The following PTDSS2 variants were observed in gnomAD, a reference collection of about 807,000 sequenced individuals.
PTDSS2 encodes phosphatidylserine synthase 2, also known as PSS-2.
In PTDSS2, 41 loss-of-function variants were observed where a neutral mutation model predicts 64.7. The ratio of observed to expected loss-of-function variants is 0.63; its 90% confidence interval spans 0.49 to 0.82. The LOEUF (loss-of-function observed/expected upper bound fraction) is 0.82. Among genes scored for constraint, PTDSS2 ranks in the 40% least tolerant of loss-of-function variants. PTDSS2 has a pLI of 0.00. For missense variants in PTDSS2, 485 were observed against 650.0 expected, an observed-to-expected ratio of 0.75 and a Z score of 2.76; for synonymous variants, 297 against 277.8, an observed-to-expected ratio of 1.07 and a Z score of -0.69.
intron 1 of PTDSS2, chr11:451,440 T>C (rs1481116351): frequency 2.3e-6 from 1 of 442,228 alleles, no homozygotes; most frequent in Non-Finnish European, 4.6e-6. Context: ...GATCAAGCCG[T>C]CGACCTGAAA....
At chr11:457,202 TC>T (rs1451912363) in intron 1 of PTDSS2, among the ~76,000 whole-genome samples, 5 of 152,226 alleles carry the variant, frequency 3.3e-5, no homozygotes. Context: ...CTTCATGAAA[TC>T]GGCTAAGTCC....
At chr11:452,692 G>C (rs893908755) in intron 1 of PTDSS2, among the ~76,000 whole-genome samples, 9 of 152,038 alleles carry the variant, frequency 5.9e-5, no homozygotes, top group Non-Finnish European at 5.9e-5. Context: ...GGTTCTTGCT[G>C]TGCCTCCTCC....
chr11:478,965 G>T, intron 3 of PTDSS2, 120 bp from the exon 4 acceptor site: 1 of 726,502 alleles, frequency 1.4e-6, no homozygotes, highest in South Asian at 1.7e-5. Context: ...CTCTCCCAGG[G>T]GCCTGTGAAG....
chr11:490,786 ATGCGTGTGTG>A lies in PTDSS2; in HGVS notation c.*206_*215del. 1 of 596,084 alleles carries A rather than the reference ATGCGTGTGTG, an allele frequency of 1.7e-6. No homozygotes were observed. 36.9% of individuals were successfully genotyped at this position (596,084 alleles called of 1,614,324 possible). A position where few individuals can be genotyped will look rare whatever the true frequency, so the allele number is the denominator to read the frequency against. ...CATGTGTACACGTGTGTACGTGTGT[ATGCGTGTGTG>A]TACGCGTGTGTACGCGCGTGTGTAC... On this transcript the variant is annotated 3_prime_UTR_variant, in exon 12 of 12. Coordinates refer to ENST00000308020, the MANE Select transcript of PTDSS2 (RefSeq NM_030783.3).
chr11:479,503 G>A lies in PTDSS2; in HGVS notation c.435+351G>A. 2.9e-6 allele frequency: 1 copy of A among 350,204 alleles called. No individual in the cohort carries two copies. The highest frequency in any genetic ancestry group is 5.3e-6 in the Non-Finnish European group (1 of 188,298). 21.7% of individuals were successfully genotyped at this position (350,204 alleles called of 1,614,324 possible). A position where few individuals can be genotyped will look rare whatever the true frequency, so the allele number is the denominator to read the frequency against. On this transcript the variant is annotated intron_variant, in intron 4 of 11. Transcript: ENST00000308020. This position sits in a 1 kb window ranked among gnomAD's most constrained non-coding sequence, Gnocchi z 4.2. ...GGCAGGGCCAGTGGTGCAGCTGCCAGGGTGGCTTTGCCCACAGCTGTCGTA... is the reference window on the plus strand; with the variant it reads ...GGCAGGGCCAGTGGTGCAGCTGCCAAGGTGGCTTTGCCCACAGCTGTCGTA...
chr11:479,518 C>T lies in PTDSS2; in HGVS notation c.435+366C>T. On this transcript the variant is annotated intron_variant, in intron 4 of 11. Coordinates refer to ENST00000308020, the MANE Select transcript of PTDSS2 (RefSeq NM_030783.3). This position sits in a 1 kb window ranked among gnomAD's most constrained non-coding sequence, Gnocchi z 4.2. The stretch of plus-strand genomic sequence containing the variant: ...GCAGCTGCCAGGGTGGCTTTGCCCA[C>T]AGCTGTCGTATCTGAGTGCTGGTGG... The T allele has an allele frequency of 3.1e-6, 1 of 323,860 alleles. No individual in the cohort carries two copies. The highest frequency in any genetic ancestry group is 5.8e-6 in the Non-Finnish European group (1 of 172,170). 20.1% of individuals were successfully genotyped at this position (323,860 alleles called of 1,614,324 possible).
At chr11:482,882 G>A (rs1848134725) in intron 4 of PTDSS2, among the ~76,000 whole-genome samples, 1 of 137,266 alleles carries the variant, frequency 7.3e-6, no homozygotes, top group Non-Finnish European at 1.5e-5. Flanking sequence ...TCTCCCTACC[G>A]AGTGCAGAAA....
chr11:449,090 CG>C (rs368006081), upstream of PTDSS2, among the ~76,000 whole-genome samples: 79 of 114,192 alleles, frequency 6.9e-4, 1 homozygote, highest in African/African-American at 2.6e-3. Context: ...TTTTTTGAGA[CG>C]GAGTCTCGCT....
At chr11:478,183 T>G (rs1847899889) in intron 3 of PTDSS2, among the ~76,000 whole-genome samples, 1 of 151,822 alleles carries the variant, frequency 6.6e-6, no homozygotes, top group African/African-American at 2.4e-5. Context: ...AAACAAAAAT[T>G]CACATTCATC....
At chr11:468,882 AAGGAGGGGAGTCTCTGGGTAATCGGAGGG>A (rs1340842161) in intron 2 of PTDSS2, among the ~76,000 whole-genome samples, 5 of 116,382 alleles carry the variant, frequency 4.3e-5, no homozygotes, top group African/African-American at 6.9e-5. Context: ...ATAATTGGAG[AAGGAGGGGAGTCTCTGGGTAATCGGAGGG>A]AGGAGGGGAG....
At chr11:490,089 T>G in intron 11 of PTDSS2, 21 bp downstream of exon 11, 1 of 1,589,250 alleles carries the variant, frequency 6.3e-7, no homozygotes, top group African/African-American at 1.3e-5. Context: ...GCAGGGCGCG[T>G]ATGTTCTGAA....
Position 489,530 on chromosome 11 carries a change from C to A in PTDSS2, c.969+16C>A, listed in dbSNP as rs1848565912. On this transcript the variant is annotated intron_variant, in intron 9 of 11. Transcript: ENST00000308020. ...CATCCTGGTGGTAAGGCCGGGCTGC[C>A]TCGCGACGGCGCGGCGGGCGGGGGG... 6.2e-7 allele frequency: 1 copy of A among 1,610,956 alleles called. No individual in the cohort carries two copies. Among genetic ancestry groups the A allele is most frequent in the African/African-American group, 1.3e-5 (1 of 74,852 alleles).
chr11:450,126 G>A (rs953424291), upstream of PTDSS2, among the ~76,000 whole-genome samples: 8 of 152,186 alleles, frequency 5.3e-5, no homozygotes, highest in African/African-American at 1.9e-4. Flanking sequence ...CGAGACCCGC[G>A]CCATCCGCAG....
Position 486,928 on chromosome 11 carries a change from T to A in PTDSS2, c.436-11T>A, listed in dbSNP as rs752059885. On this transcript the variant is annotated splice_polypyrimidine_tract_variant and intron_variant, in intron 4 of 11. Coordinates refer to ENST00000308020, the MANE Select transcript of PTDSS2 (RefSeq NM_030783.3). ...ACTGTAGCCCCGCTGACGGGGGCAC[T>A]GGCCTTGCAGACTGTCCAGGACGGC... 1 of 1,602,264 alleles carries A rather than the reference T, an allele frequency of 6.2e-7. No homozygotes were observed. Among genetic ancestry groups the A allele is most frequent in the South Asian group, 1.1e-5 (1 of 89,558 alleles).
intron 1 of PTDSS2, 143 bp downstream of exon 1, chr11:450,780 A>ACCGCCCCCCGGGTCCCGGGGAGCGG (rs1846281666): frequency 1.3e-6 from 1 of 756,680 alleles, no homozygotes; most frequent in Non-Finnish European, 1.8e-6. Context: ...GTGTGGCAGC[A>ACCGCCCCCCGGGTCCCGGGGAGCGG]CCGCCCCCCG....
At chr11:485,744 G>A (rs1590683925) in intron 4 of PTDSS2, among the ~76,000 whole-genome samples, 1 of 141,260 alleles carries the variant, frequency 7.1e-6, no homozygotes, top group African/African-American at 2.8e-5. Flanking sequence ...TGCTCACTGC[G>A]CAGGCGAGCG....
chr11:471,371 A>G (rs1372421773), intron 2 of PTDSS2, among the ~76,000 whole-genome samples: 1 of 152,252 alleles, frequency 6.6e-6, no homozygotes, highest in Non-Finnish European at 1.5e-5. Context: ...CTAAGATTAC[A>G]GGTGTGAACC....
chr11:481,674 C>T (rs535807235), intron 4 of PTDSS2, among the ~76,000 whole-genome samples: 5 of 152,236 alleles, frequency 3.3e-5, no homozygotes, highest in African/African-American at 1.2e-4. Context: ...AAATGTAGCT[C>T]ATTTTTGTGT....
intron 1 of PTDSS2, among the ~76,000 whole-genome samples, chr11:454,626 G>A (rs573156989): frequency 6.6e-6 from 1 of 152,224 alleles, no homozygotes; most frequent in African/African-American, 2.4e-5. Flanking sequence ...CCAATATGGT[G>A]AAACCCGGTC....
Sources: allele counts gnomAD v4.1 joint callset (sites outside exome capture counted in the v4.1 genomes callset), GRCh38; gene constraint gnomAD v4.1.1; non-coding constraint Gnocchi (gnomAD v3.1); transcripts MANE v1.5; gene names NCBI Gene and HGNC (gene_info 2026-07-23, HGNC 2026-07-21).